The following CBLB variants were observed in gnomAD, a reference collection of about 807,000 sequenced individuals.
CBLB encodes the protein E3 ubiquitin-protein ligase CBL-B.
A neutral mutation model predicts 104.9 loss-of-function variants in CBLB; 31 were observed. The observed-to-expected ratio is 0.30, with a 90% CI of 0.22 to 0.40. The LOEUF (loss-of-function observed/expected upper bound fraction) is 0.40, where lower values mean the gene tolerates loss of function less well. Among genes scored for constraint, CBLB ranks in the 10% least tolerant of loss-of-function variants. The pLI, the probability that CBLB is intolerant of heterozygous loss-of-function variation, is 1.00. For synonymous variants in CBLB, 440 were observed against 422.6 expected (o/e 1.04, Z -0.51); for missense variants, 1,062 against 1,214.6 (o/e 0.87, Z 1.87).
intron 4 of CBLB, among the ~76,000 whole-genome samples, chr3:105,752,039 T>C (rs2076639405): frequency 6.6e-6 from 1 of 152,184 alleles, no homozygotes; most frequent in African/African-American, 2.4e-5. Flanking sequence ...CCTTTATTCA[T>C]TGCACAAATG....
In CBLB at chr3:105,764,910, CA is replaced by C. The variant is rs1194115759; in HGVS notation, c.566+11485del. 2.6e-5 allele frequency among the ~76,000 whole-genome samples: 4 copies of C among 152,260 alleles called. No individual in the cohort carries two copies. In the East Asian group the frequency reaches 7.7e-4, roughly 29 times the overall value. On this transcript the variant is annotated intron_variant, in intron 4 of 18. Transcript: ENST00000394030. ...AACTAGCCACAATATTCTGTTAGGC[CA>C]AAGCCGAATCCAAAACAAGGCCCCA... is the stretch of plus-strand genomic sequence containing the variant.
At chr3:105,807,101 C>T (rs116070561) in intron 3 of CBLB, among the ~76,000 whole-genome samples, 1,953 of 152,266 alleles carry the variant, frequency 0.013, 43 homozygotes, top group African/African-American at 0.045. Flanking sequence ...AACAGTACAT[C>T]ATACATACAT....
In CBLB at chr3:105,658,475, T is replaced by C. The variant is rs1369637460; in HGVS notation, c.*495A>G. 4.4e-6 allele frequency: 1 copy of C among 229,106 alleles called. No individual in the cohort carries two copies. The highest frequency in any genetic ancestry group is 8.7e-6 in the Non-Finnish European group (1 of 115,264). The allele number at this position is 229,106 out of a possible 1,614,324, so 14.2% of individuals were successfully genotyped here. ...TGAATGAGAGAAATGGAACTGGACC[T>C]GGGCAAGGCATGGGGATGGTAGAGA... On this transcript the variant is annotated 3_prime_UTR_variant, in exon 19 of 19. Coordinates refer to ENST00000394030, the MANE Select transcript of CBLB (RefSeq NM_170662.5).
chr3:105,835,126 G>C (rs1240535638), intron 3 of CBLB, among the ~76,000 whole-genome samples: 1 of 152,072 alleles, frequency 6.6e-6, no homozygotes, highest in Non-Finnish European at 1.5e-5. Flanking sequence ...CCAGGTTCTT[G>C]AGGATTCTTT....
chr3:105,689,416 T>G (rs2067396191), intron 13 of CBLB, among the ~76,000 whole-genome samples: 1 of 151,102 alleles, frequency 6.6e-6, no homozygotes, highest in South Asian at 2.1e-4. Flanking sequence ...CCAAGTAATA[T>G]TGATTCATGG....
intron 3 of CBLB, among the ~76,000 whole-genome samples, chr3:105,815,350 A>G (rs2084897113): frequency 6.6e-6 from 1 of 152,220 alleles, no homozygotes; most frequent in South Asian, 2.1e-4. Context: ...AAGGATGATT[A>G]GCAAAAAACA....
chr3:105,704,203 G>A (rs371186445), intron 10 of CBLB, 30 bp from the exon 11 acceptor site: 1 of 1,596,590 alleles, frequency 6.3e-7, no homozygotes. Context: ...AGATGCCGCT[G>A]TTTATTAGCT....
At chr3:105,786,531 A>C (rs1230054095) in intron 3 of CBLB, among the ~76,000 whole-genome samples, 1 of 152,148 alleles carries the variant, frequency 6.6e-6, no homozygotes, top group Non-Finnish European at 1.5e-5. Flanking sequence ...TCTTCTAAAA[A>C]GTGTTAGTCC....
At chr3:105,687,101 C>T (rs1212043317) in intron 13 of CBLB, among the ~76,000 whole-genome samples, 3 of 152,046 alleles carry the variant, frequency 2.0e-5, no homozygotes, top group Non-Finnish European at 4.4e-5. Context: ...GTTCTATTAC[C>T]AAATGAAATG....
At chr3:105,868,446 G>A (rs1209515799) in intron 1 of CBLB, 4 of 376,568 alleles carry the variant, frequency 1.1e-5, no homozygotes, top group African/African-American at 2.1e-5. Flanking sequence ...CGTGCCCGCA[G>A]CACCGTCCGT....
At chr3:105,808,220 A>G (rs2083777019) in intron 3 of CBLB, among the ~76,000 whole-genome samples, 1 of 152,208 alleles carries the variant, frequency 6.6e-6, no homozygotes, top group African/African-American at 2.4e-5. Context: ...GCCATTTTTC[A>G]TATAAAATGA....
chr3:105,668,597 T>A lies in CBLB; in HGVS notation c.2689+1636A>T, dbSNP rs142550895. 3.9e-5 allele frequency among the ~76,000 whole-genome samples: 6 copies of A among 152,318 alleles called. No homozygotes were observed. In the East Asian group the frequency reaches 1.2e-3, roughly 29 times the overall value. ...CTTTCTTGACTTTCATGTTTTGTCATCAAATTATTTTGACTGGAATTACAG... is the reference window on the plus strand; with the variant it reads ...CTTTCTTGACTTTCATGTTTTGTCAACAAATTATTTTGACTGGAATTACAG... On this transcript the variant is annotated intron_variant, in intron 18 of 18. Coordinates refer to ENST00000394030, the MANE Select transcript of CBLB (RefSeq NM_170662.5).
rs1410190920 is a variant in CBLB, at chr3:105,791,557, TAA to T, written c.420-15017_420-15016del. 1.3e-5 allele frequency among the ~76,000 whole-genome samples: 2 copies of T among 152,210 alleles called. 1 individual carries two copies. Among genetic ancestry groups the T allele is most frequent in the East Asian group, 3.8e-4 (2 of 5,204 alleles). ...ACGTTGTCTTAGGTAATTCTCTTGA[TAA>T]AGAGACTCCTAGCAGCTCTCAAGAA... On this transcript the variant is annotated intron_variant, in intron 3 of 18. Transcript: ENST00000394030.
intron 13 of CBLB, among the ~76,000 whole-genome samples, chr3:105,689,271 G>A (rs971214982): frequency 6.6e-6 from 1 of 151,752 alleles, no homozygotes; most frequent in African/African-American, 2.4e-5. Context: ...GGTGAAATTT[G>A]TATTCTCTGT....
chr3:105,826,869 T>C (rs1384297476), intron 3 of CBLB, among the ~76,000 whole-genome samples: 2 of 152,214 alleles, frequency 1.3e-5, no homozygotes, highest in Admixed American at 6.5e-5. Context: ...TTCTCATTCA[T>C]ATATAAAATG....
chr3:105,753,762 A>G (rs2076797100), intron 4 of CBLB, among the ~76,000 whole-genome samples: 1 of 152,356 alleles, frequency 6.6e-6, no homozygotes, highest in Middle Eastern at 3.4e-3. Flanking sequence ...CTGTTACTAT[A>G]AAAATTATTC....
chr3:105,813,501 TTGTC>T (rs1223304723), intron 3 of CBLB, among the ~76,000 whole-genome samples: 1 of 152,132 alleles, frequency 6.6e-6, no homozygotes, highest in African/African-American at 2.4e-5. Flanking sequence ...AATATTAACA[TTGTC>T]TGACTATAAA....
intron 4 of CBLB, among the ~76,000 whole-genome samples, chr3:105,765,767 G>C (rs185083359): frequency 1.3e-5 from 2 of 152,242 alleles, no homozygotes; most frequent in East Asian, 3.9e-4. Context: ...ACTGCTCATT[G>C]GCAATGCCCC....
intron 3 of CBLB, among the ~76,000 whole-genome samples, chr3:105,807,842 T>C (rs568585545): frequency 6.6e-6 from 1 of 152,280 alleles, no homozygotes; most frequent in African/African-American, 2.4e-5. Context: ...ACTCCATGAA[T>C]TATTAGATAA....
Sources: gnomAD v4.1 joint callset for allele counts (sites outside exome capture counted in the v4.1 genomes callset) on GRCh38, gnomAD v4.1.1 for gene constraint, MANE v1.5 for transcripts, NCBI Gene and HGNC (gene_info 2026-07-23, HGNC 2026-07-21) for gene names.